Variants in MAN2A1 observed in about 807,000 individuals in gnomAD.
The protein encoded by MAN2A1 is alpha-mannosidase 2.
MAN2A1 carries 76 observed loss-of-function variants against 142.6 expected under a neutral mutation model. The ratio of observed to expected loss-of-function variants is 0.53; its 90% confidence interval spans 0.44 to 0.65. The LOEUF is 0.65. Ranked by LOEUF, MAN2A1 falls within the 30% of genes least tolerant of loss-of-function variation. The pLI is 0.00. For synonymous variants in MAN2A1, 559 were observed against 473.2 expected, an observed-to-expected ratio of 1.18 and a Z score of -2.35; for missense variants, 1,311 against 1,365.1, an observed-to-expected ratio of 0.96 and a Z score of 0.62.
chr5:109,773,659 A>G (rs892089811), intron 7 of MAN2A1, among the ~76,000 whole-genome samples: 1 of 152,166 alleles, frequency 6.6e-6, no homozygotes, highest in Non-Finnish European at 1.5e-5. Flanking sequence ...TCACCAAGGT[A>G]TTATGTTACT....
intron 1 of MAN2A1, chr5:109,699,864 T>TA (rs140847839): frequency 0.054 from 8,186 of 152,342 alleles, 222 homozygotes; most frequent in Non-Finnish European, 0.064. Flanking sequence ...TAAAAAATGT[T>TA]AAAAAAAAGA....
At chr5:109,779,246 G>A (rs1485240710) in intron 8 of MAN2A1, among the ~76,000 whole-genome samples, 2 of 152,116 alleles carry the variant, frequency 1.3e-5, no homozygotes, top group Non-Finnish European at 2.9e-5. Context: ...TTGCCAAGAA[G>A]GAAGTATTTT....
intron 1 of MAN2A1, among the ~76,000 whole-genome samples, chr5:109,703,981 G>A (rs1751058943): frequency 6.6e-6 from 1 of 152,202 alleles, no homozygotes; most frequent in East Asian, 1.9e-4. Flanking sequence ...AGCTGGTGCT[G>A]TCTCCTGGAA....
intron 17 of MAN2A1, among the ~76,000 whole-genome samples, chr5:109,844,119 G>A (rs1366692027): frequency 1.3e-5 from 2 of 152,096 alleles, no homozygotes; most frequent in African/African-American, 2.4e-5. Flanking sequence ...ACAAAAGAAA[G>A]TATTTTCTTA....
chr5:109,729,181 A>C (rs1751829710), intron 3 of MAN2A1, among the ~76,000 whole-genome samples, 161 bp from the exon 4 acceptor site: 1 of 152,166 alleles, frequency 6.6e-6, no homozygotes, highest in Admixed American at 6.6e-5. Flanking sequence ...GTCCCATGAC[A>C]ACTAAAATGG....
chr5:109,733,556 G>T (rs528963398), intron 4 of MAN2A1, among the ~76,000 whole-genome samples: 82 of 152,270 alleles, frequency 5.4e-4, no homozygotes, highest in African/African-American at 1.8e-3. Flanking sequence ...AATTTATTGA[G>T]AGTTTTTAGC....
chr5:109,736,163 A>G (rs749137548), intron 4 of MAN2A1, among the ~76,000 whole-genome samples: 3 of 152,154 alleles, frequency 2.0e-5, no homozygotes, highest in Non-Finnish European at 2.9e-5. Flanking sequence ...ATACCAGGAT[A>G]TGCACACATA....
At chr5:109,774,612 G>A (rs552388344) in intron 7 of MAN2A1, among the ~76,000 whole-genome samples, 176 bp from the exon 8 acceptor site, 1 of 152,046 alleles carries the variant, frequency 6.6e-6, no homozygotes, top group South Asian at 2.1e-4. Flanking sequence ...TAGTATGATA[G>A]TTTTAAAAAA....
At chr5:109,783,172 A>G (rs1011889922) in intron 9 of MAN2A1, among the ~76,000 whole-genome samples, 3 of 152,156 alleles carry the variant, frequency 2.0e-5, no homozygotes, top group African/African-American at 7.2e-5. Context: ...TATTGAACAT[A>G]TTCAAGGCAT....
intron 6 of MAN2A1, among the ~76,000 whole-genome samples, chr5:109,769,131 C>T (rs1268465895): frequency 6.6e-6 from 1 of 152,128 alleles, no homozygotes; most frequent in African/African-American, 2.4e-5. Context: ...GGACTTGTGA[C>T]AACCTTTTGT....
At chr5:109,844,962 T>A (rs1755309548) in intron 17 of MAN2A1, among the ~76,000 whole-genome samples, 1 of 152,212 alleles carries the variant, frequency 6.6e-6, no homozygotes, top group Admixed American at 6.5e-5. Flanking sequence ...TTCAACCTAG[T>A]ACAACCAGTA....
At chr5:109,777,587 TTTTC>T (rs2112661054) in intron 8 of MAN2A1, among the ~76,000 whole-genome samples, 1 of 152,234 alleles carries the variant, frequency 6.6e-6, no homozygotes, top group South Asian at 2.1e-4. Flanking sequence ...ATATAACTAT[TTTTC>T]TTTATGTTTA....
At chr5:109,765,195 G>A (rs1213924110) in intron 5 of MAN2A1, among the ~76,000 whole-genome samples, 1 of 152,062 alleles carries the variant, frequency 6.6e-6, no homozygotes, top group East Asian at 1.9e-4. Context: ...GGAATCCATG[G>A]TCGTACATTG....
chr5:109,815,408 T>C (rs1399238006), intron 12 of MAN2A1, among the ~76,000 whole-genome samples: 1 of 152,184 alleles, frequency 6.6e-6, no homozygotes, highest in Non-Finnish European at 1.5e-5. Flanking sequence ...TTTGTAAATA[T>C]GTTTGTGACT....
intron 3 of MAN2A1, among the ~76,000 whole-genome samples, chr5:109,723,446 A>G (rs1004816373): frequency 2.0e-5 from 3 of 152,172 alleles, no homozygotes; most frequent in African/African-American, 4.8e-5. Flanking sequence ...TTGGAAACTT[A>G]GTCGATTACT....
In MAN2A1 at chr5:109,855,242, C is replaced by T. The variant is rs112984105; in HGVS notation, c.3079C>T (p.Pro1027Ser). Residue 1027 changes from proline (P) to serine (S), a missense_variant, in exon 20 of 22, where the codon CCT becomes TCT. Around this residue, in one of 3 missense-constraint regions of MAN2A1, gnomAD observed 890 missense variants for 920.5 expected, o/e 0.97. Coordinates refer to ENST00000261483, the MANE Select transcript of MAN2A1 (RefSeq NM_002372.4). ...TCCAATGGCAAATAAGTTCTCCTCACCTACCCTTGAGCTGCAAGGTGAATT... is the reference window on the plus strand; with the variant it reads ...TCCAATGGCAAATAAGTTCTCCTCATCTACCCTTGAGCTGCAAGGTGAATT... ...VIPMANKFSS[P>S]TLELQGEFSP... is the part of the protein sequence containing the mutation. 1,831 of 1,603,078 alleles carry T rather than the reference C, an allele frequency of 1.1e-3. 17 individuals are homozygous for T. In the African/African-American group the frequency reaches 0.02, roughly 18 times the overall value.
chr5:109,754,911 G>A (rs1263742490), intron 4 of MAN2A1, among the ~76,000 whole-genome samples: 1 of 152,246 alleles, frequency 6.6e-6, no homozygotes, highest in African/African-American at 2.4e-5. Flanking sequence ...TGAGGCAGGA[G>A]AATCGCTTGA....
intron 20 of MAN2A1, among the ~76,000 whole-genome samples, chr5:109,859,043 G>A (rs1230092933): frequency 1.3e-5 from 2 of 152,226 alleles, no homozygotes; most frequent in East Asian, 3.8e-4. Flanking sequence ...TAGGGCTGGG[G>A]AGGAGAGCCT....
intron 19 of MAN2A1, chr5:109,853,704 A>G (rs1198453336): frequency 6.6e-6 from 1 of 152,182 alleles, no homozygotes; most frequent in East Asian, 1.9e-4. Context: ...ATCCTAACTT[A>G]GATTATGAAG....
Sources: allele counts gnomAD v4.1 joint callset (sites outside exome capture counted in the v4.1 genomes callset), GRCh38; gene constraint gnomAD v4.1.1; regional missense constraint gnomAD v4.1.1; transcripts MANE v1.5; gene names NCBI Gene and HGNC (gene_info 2026-07-23, HGNC 2026-07-21).